The following FRMD4A variants were observed in gnomAD, a reference collection of about 807,000 sequenced individuals.
FRMD4A encodes FERM domain containing 4A.
A neutral mutation model predicts 129.1 loss-of-function variants in FRMD4A; 29 were observed. The ratio of observed to expected loss-of-function variants is 0.22; its 90% CI spans 0.17 to 0.31. The LOEUF (loss-of-function observed/expected upper bound fraction) is 0.31, where lower values mean the gene tolerates loss of function less well. Ranked by LOEUF, FRMD4A falls within the 10% of genes least tolerant of loss-of-function variation. The pLI is 1.00. For synonymous variants in FRMD4A, 634 were observed against 571.6 expected, an observed-to-expected ratio of 1.11 and a Z score of -1.56; for missense variants, 1,272 against 1,375.8, an observed-to-expected ratio of 0.92 and a Z score of 1.19.
chr10:14,076,647 A>C (rs983944691), intron 2 of FRMD4A, among the ~76,000 whole-genome samples: 1 of 152,184 alleles, frequency 6.6e-6, no homozygotes, highest in Non-Finnish European at 1.5e-5. Flanking sequence ...CTCAAAAAAA[A>C]AAAAATGTGG....
intron 2 of FRMD4A, among the ~76,000 whole-genome samples, chr10:14,048,835 TAGAATAG>T: frequency 1.1e-4 from 1 of 9,312 alleles, no homozygotes; most frequent in South Asian, 2.3e-3. Context: ...TAGAATAGAA[TAGAATAG>T]AATAGAATAG....
At chr10:14,013,584 G>C (rs1264641924) in intron 2 of FRMD4A, among the ~76,000 whole-genome samples, 4 of 152,120 alleles carry the variant, frequency 2.6e-5, no homozygotes, top group African/African-American at 2.4e-5. Flanking sequence ...AACCCACAAG[G>C]CACCCTGCAA....
chr10:13,869,629 T>C (rs1001278053), intron 2 of FRMD4A, among the ~76,000 whole-genome samples: 1 of 152,130 alleles, frequency 6.6e-6, no homozygotes, highest in African/African-American at 2.4e-5. Context: ...CGCTCACAGG[T>C]GGCGGGCAGG....
intron 2 of FRMD4A, among the ~76,000 whole-genome samples, chr10:14,046,915 G>A (rs142691661): frequency 6.6e-6 from 1 of 152,154 alleles, no homozygotes; most frequent in Non-Finnish European, 1.5e-5. Context: ...CCCTCCTAGG[G>A]CTGGTCGCTG....
chr10:13,701,241 G>C, intron 14 of FRMD4A, 99 bp downstream of exon 14: 2 of 1,106,870 alleles, frequency 1.8e-6, no homozygotes, highest in Non-Finnish European at 2.7e-6. Flanking sequence ...TATGGACCCG[G>C]GCAAGGGACA....
rs66523920 is a variant in FRMD4A at position 13,974,019 on chromosome 10, C to CTT, written c.46-115109_46-115108dup. On this transcript the variant is annotated intron_variant, in intron 2 of 24. Transcript: ENST00000357447. ...AATTATGGACTGGATAGGGACAGTT[C>CTT]TTTTTTTTTTTTTTTTTTTTCTTTC... 3.3e-4 allele frequency among the ~76,000 whole-genome samples: 32 copies of CTT among 96,604 alleles called. 1 individual carries two copies. The highest frequency in any genetic ancestry group is 8.0e-4 in the East Asian group (2 of 2,510). The allele number at this position is 96,604 out of a possible 152,430, so 63.4% of individuals were successfully genotyped here.
intron 2 of FRMD4A, among the ~76,000 whole-genome samples, chr10:13,865,386 CTTTAT>C (rs1019523190): frequency 1.4e-5 from 2 of 140,906 alleles, no homozygotes; most frequent in African/African-American, 5.0e-5. Flanking sequence ...ATCAGGCTTA[CTTTAT>C]TTTATTTATT....
chr10:13,870,145 G>C (rs1236583673), intron 2 of FRMD4A, among the ~76,000 whole-genome samples: 1 of 152,256 alleles, frequency 6.6e-6, no homozygotes, highest in Admixed American at 6.5e-5. Context: ...TGGGAACAGA[G>C]ATGGGTGGCA....
intron 2 of FRMD4A, among the ~76,000 whole-genome samples, chr10:14,291,828 A>C (rs1236521320): frequency 4.6e-5 from 7 of 151,804 alleles, no homozygotes; most frequent in Admixed American, 4.6e-4. Context: ...AGGAATTGGA[A>C]TTATATTATT....
At chr10:13,997,440 T>C (rs1759337556) in intron 2 of FRMD4A, among the ~76,000 whole-genome samples, 2 of 152,120 alleles carry the variant, frequency 1.3e-5, no homozygotes, top group South Asian at 4.1e-4. Context: ...TCCTCTGCTG[T>C]GTTCTTTTCT....
intron 3 of FRMD4A, among the ~76,000 whole-genome samples, chr10:13,826,815 A>G (rs900847960): frequency 3.3e-5 from 5 of 152,170 alleles, no homozygotes; most frequent in Admixed American, 3.3e-4. Flanking sequence ...TCTGGGCTGA[A>G]AAATATTTAT....
intron 2 of FRMD4A, among the ~76,000 whole-genome samples, chr10:14,033,953 A>G (rs149437907): frequency 2.0e-5 from 3 of 152,348 alleles, no homozygotes; most frequent in Non-Finnish European, 4.4e-5. Context: ...ATTTGCAGCA[A>G]CATGCATGGA....
At chr10:13,731,693 T>C (rs577020920) in intron 12 of FRMD4A, among the ~76,000 whole-genome samples, 58 of 150,126 alleles carry the variant, frequency 3.9e-4, no homozygotes, top group African/African-American at 1.4e-3. Context: ...CCTCAGATAG[T>C]GTTTAGGGTT....
chr10:13,665,154 G>C (rs947633622), intron 18 of FRMD4A, among the ~76,000 whole-genome samples: 4 of 152,132 alleles, frequency 2.6e-5, no homozygotes, highest in African/African-American at 9.7e-5. Context: ...TTACAGGTGT[G>C]AGCCACCTCA....
chr10:14,109,871 T>C (rs961346118), intron 2 of FRMD4A, among the ~76,000 whole-genome samples: 3 of 151,138 alleles, frequency 2.0e-5, no homozygotes, highest in African/African-American at 7.3e-5. Flanking sequence ...ACTCAGGTGG[T>C]TGAGGCAGGA....
At chr10:14,080,013 G>T (rs1835834838) in intron 2 of FRMD4A, among the ~76,000 whole-genome samples, 1 of 152,158 alleles carries the variant, frequency 6.6e-6, no homozygotes, top group Admixed American at 6.5e-5. Context: ...GGAGGAAAAG[G>T]CCAAAACCTC....
At chr10:14,198,001 T>G (rs1458539297) in intron 2 of FRMD4A, among the ~76,000 whole-genome samples, 2 of 152,190 alleles carry the variant, frequency 1.3e-5, no homozygotes, top group African/African-American at 4.8e-5. Context: ...AGGACAGACC[T>G]GGCCAATGTG....
chr10:13,840,384 C>T (rs1564891134), intron 3 of FRMD4A, among the ~76,000 whole-genome samples: 1 of 152,182 alleles, frequency 6.6e-6, no homozygotes, highest in Non-Finnish European at 1.5e-5. Context: ...AGACTCTGAT[C>T]CTGGACTTCT....
At chr10:13,961,796 T>C (rs1320889570) in intron 2 of FRMD4A, among the ~76,000 whole-genome samples, 1 of 152,214 alleles carries the variant, frequency 6.6e-6, no homozygotes, top group African/African-American at 2.4e-5. Context: ...GAGTAAATGA[T>C]GTTAGATTTC....
Sources: allele counts gnomAD v4.1 joint callset (sites outside exome capture counted in the v4.1 genomes callset), GRCh38; gene constraint gnomAD v4.1.1; transcripts MANE v1.5; gene names NCBI Gene and HGNC (gene_info 2026-07-23, HGNC 2026-07-21).